The following BLNK variants were observed in gnomAD, a reference collection of about 807,000 sequenced individuals.
BLNK encodes B-cell linker protein.
A neutral mutation model predicts 73.5 loss-of-function variants in BLNK; 29 were observed. That is an observed-to-expected ratio of 0.39 (90% CI 0.29 to 0.54). BLNK has a LOEUF of 0.54. Among genes scored for constraint, BLNK ranks in the 20% least tolerant of loss-of-function variants. BLNK has a pLI of 0.61. For synonymous variants in BLNK, 176 were observed against 200.8 expected, an observed-to-expected ratio of 0.88 and a Z score of 1.04; for missense variants, 460 against 562.8, an observed-to-expected ratio of 0.82 and a Z score of 1.85.
chr10:96,203,953 AC>A (rs771572053), intron 13 of BLNK, 103 bp downstream of exon 13: 26 of 885,742 alleles, frequency 2.9e-5, no homozygotes, highest in Non-Finnish European at 4.8e-5. Context: ...TGCCAGGATA[AC>A]GCAGCTGGAA....
chr10:96,204,029 A>G (rs376056176), intron 13 of BLNK, 28 bp downstream of exon 13: 1 of 1,603,184 alleles, frequency 6.2e-7, no homozygotes, highest in African/African-American at 1.3e-5. Flanking sequence ...CCACTCCCTG[A>G]TACACTACAT....
intron 3 of BLNK, among the ~76,000 whole-genome samples, chr10:96,233,080 A>G (rs1554904380): frequency 6.6e-6 from 1 of 152,234 alleles, no homozygotes; most frequent in African/African-American, 2.4e-5. Context: ...TGCTGGGATT[A>G]CAGGCATAAG....
intron 7 of BLNK, 47 bp downstream of exon 7, chr10:96,216,606 G>C (rs1554899905): frequency 6.6e-7 from 1 of 1,516,062 alleles, no homozygotes; most frequent in South Asian, 1.1e-5. Flanking sequence ...TATACATCCT[G>C]ATCAACTGCT....
intron 13 of BLNK, among the ~76,000 whole-genome samples, chr10:96,203,096 G>A (rs181218145): frequency 6.6e-6 from 1 of 152,246 alleles, no homozygotes; most frequent in East Asian, 1.9e-4. Flanking sequence ...AGTTTCATGA[G>A]GACAGGGTCT....
intron 2 of BLNK, among the ~76,000 whole-genome samples, chr10:96,245,931 T>C (rs550202222): frequency 6.6e-6 from 1 of 152,306 alleles, no homozygotes; most frequent in African/African-American, 2.4e-5. Context: ...ATGGGAGATT[T>C]TGACATCATA....
At chr10:96,265,164 G>A (rs1554913927) in intron 1 of BLNK, among the ~76,000 whole-genome samples, 1 of 70,618 alleles carries the variant, frequency 1.4e-5, no homozygotes, top group Non-Finnish European at 3.2e-5. Context: ...ATTTATTTTT[G>A]TAGAGATGGG....
intron 7 of BLNK, 60 bp downstream of exon 7, chr10:96,216,593 T>C (rs1293850823): frequency 4.2e-6 from 6 of 1,426,982 alleles, no homozygotes; most frequent in South Asian, 1.2e-5. Context: ...TACCAAATAC[T>C]CTTATACATC....
At chr10:96,249,077 T>C (rs887622976) in intron 1 of BLNK, among the ~76,000 whole-genome samples, 2 of 152,248 alleles carry the variant, frequency 1.3e-5, no homozygotes, top group African/African-American at 4.8e-5. Flanking sequence ...AATTCACCTT[T>C]CAGGTAAATG....
intron 6 of BLNK, among the ~76,000 whole-genome samples, chr10:96,220,169 G>A (rs2084162839): frequency 6.6e-6 from 1 of 152,102 alleles, no homozygotes; most frequent in Admixed American, 6.5e-5. Flanking sequence ...CCTCAGGCTT[G>A]GTTTTCCCTT....
At chr10:96,260,110 C>G (rs1368512280) in intron 1 of BLNK, among the ~76,000 whole-genome samples, 1 of 152,142 alleles carries the variant, frequency 6.6e-6, no homozygotes, top group Non-Finnish European at 1.5e-5. Flanking sequence ...CTCTCACCAC[C>G]CACCTGGCAG....
chr10:96,250,506 T>C (rs1289154847), intron 1 of BLNK, among the ~76,000 whole-genome samples: 1 of 151,732 alleles, frequency 6.6e-6, no homozygotes, highest in Non-Finnish European at 1.5e-5. Flanking sequence ...TAATTTCATA[T>C]GGAGGGCAGA....
chr10:96,243,021 T>C (rs1842928385), intron 2 of BLNK, among the ~76,000 whole-genome samples: 1 of 152,150 alleles, frequency 6.6e-6, no homozygotes, highest in African/African-American at 2.4e-5. Context: ...TTGGCAAAGG[T>C]GAAGTCAGGT....
chr10:96,203,805 G>T, intron 13 of BLNK: 1 of 327,524 alleles, frequency 3.1e-6, no homozygotes, highest in Non-Finnish European at 5.6e-6. Context: ...AGTTAAAAAA[G>T]GATGCATGAT....
At chr10:96,193,341 C>T (rs1484951376) in intron 16 of BLNK, among the ~76,000 whole-genome samples, 1 of 152,150 alleles carries the variant, frequency 6.6e-6, no homozygotes, top group Non-Finnish European at 1.5e-5. Context: ...ATAGCACAAT[C>T]TCTTTGAAGT....
intron 13 of BLNK, 40 bp downstream of exon 13, chr10:96,204,017 G>T (rs963592131): frequency 5.7e-6 from 9 of 1,578,726 alleles, no homozygotes; most frequent in South Asian, 3.3e-5. Flanking sequence ...ATCCAGCCTC[G>T]ACCACTCCCT....
chr10:96,241,957 C>G (rs1439901316), intron 3 of BLNK, among the ~76,000 whole-genome samples: 1 of 152,068 alleles, frequency 6.6e-6, no homozygotes, highest in South Asian at 2.1e-4. Flanking sequence ...TGGGCTCAAG[C>G]AATCTGCCTT....
At chr10:96,223,282 AC>A (rs2084242268) in intron 6 of BLNK, among the ~76,000 whole-genome samples, 1 of 152,038 alleles carries the variant, frequency 6.6e-6, no homozygotes, top group Non-Finnish European at 1.5e-5. Flanking sequence ...GGGACAAAAG[AC>A]CCCGGAAGTG....
At chr10:96,263,933 G>T (rs541217735) in intron 1 of BLNK, among the ~76,000 whole-genome samples, 2 of 152,310 alleles carry the variant, frequency 1.3e-5, no homozygotes, top group African/African-American at 2.4e-5. Flanking sequence ...CTAGAGGACG[G>T]CAGCCAGCAT....
intron 13 of BLNK, among the ~76,000 whole-genome samples, chr10:96,202,602 C>A (rs1235097558): frequency 6.6e-6 from 1 of 152,070 alleles, no homozygotes; most frequent in Admixed American, 6.6e-5. Context: ...AGGCAGCCAC[C>A]ATTGTAAGAG....
Sources: gnomAD v4.1 joint callset for allele counts (sites outside exome capture counted in the v4.1 genomes callset) on GRCh38, gnomAD v4.1.1 for gene constraint, MANE v1.5 for transcripts, NCBI Gene and HGNC (gene_info 2026-07-23, HGNC 2026-07-21) for gene names.